PSG2: variants seen among roughly 807,000 people sequenced by gnomAD.
PSG2 encodes pregnancy specific beta-1-glycoprotein 2.
Under a neutral mutation model 36.2 loss-of-function variants are expected in PSG2, and 49 were observed. The ratio of observed to expected loss-of-function variants is 1.35; its 90% CI spans 1.08 to 1.72. PSG2 has a LOEUF of 1.72. PSG2 is among the 40% of genes most tolerant of loss of function. The probability of loss-of-function intolerance (pLI) is 0.00; values close to 1 mark genes in which losing one functional copy is unlikely to be tolerated. For synonymous variants in PSG2, 261 were observed against 155.6 expected (o/e 1.68, Z -5.04); for missense variants, 605 against 407.2 (o/e 1.49, Z -4.18).
At chr19:43,068,803 G>A (rs1967777515) in intron 4 of PSG2, among the ~76,000 whole-genome samples, 1 of 151,636 alleles carries the variant, frequency 6.6e-6, no homozygotes, top group South Asian at 2.1e-4. Context: ...TGTATGAGCA[G>A]GAATAAGACA....
At position 43,076,302 on chromosome 19, in the gene PSG2, A is replaced by G. The variant is rs1268801889; in HGVS notation, c.431-670T>C. ...AGCAGAGTCCAAGGAATGACCTACA[A>G]AGAGTGAAGGGGACAGGCAAGAGCT... is the stretch of plus-strand genomic sequence containing the variant. On this transcript the variant is annotated intron_variant, in intron 2 of 5. Transcript: ENST00000406487. 2.0e-5 allele frequency among the ~76,000 whole-genome samples: 3 copies of G among 151,644 alleles called. No individual in the cohort carries two copies. The East Asian group carries it at 5.8e-4, about 29-fold the overall frequency.
intron 2 of PSG2, among the ~76,000 whole-genome samples, chr19:43,079,257 C>G (rs1333766065): frequency 4.6e-5 from 7 of 151,418 alleles, no homozygotes; most frequent in African/African-American, 1.7e-4. Flanking sequence ...CAGGGACCAG[C>G]TGCCCCCAGT....
chr19:43,073,105 A>C (rs1323472616), intron 3 of PSG2, among the ~76,000 whole-genome samples: 3 of 151,650 alleles, frequency 2.0e-5, no homozygotes, highest in African/African-American at 4.9e-5. Context: ...TGAAACCCTG[A>C]AGATACTGAG....
At chr19:43,075,211 C>T in intron 3 of PSG2, 143 bp downstream of exon 3, 1 of 1,560,812 alleles carries the variant, frequency 6.4e-7, no homozygotes. Flanking sequence ...TCTGGTTTGC[C>T]TGGGGCAGAA....
intron 2 of PSG2, among the ~76,000 whole-genome samples, chr19:43,080,182 G>A (rs956207362): frequency 6.6e-6 from 1 of 151,742 alleles, no homozygotes; most frequent in Non-Finnish European, 1.5e-5. Context: ...TTCTGTTTCT[G>A]CTTCTGGGGA....
intron 2 of PSG2, among the ~76,000 whole-genome samples, chr19:43,079,688 T>C (rs1967944527): frequency 6.6e-6 from 1 of 151,618 alleles, no homozygotes; most frequent in African/African-American, 2.4e-5. Context: ...GCTCATGTTT[T>C]TTGCACTGAT....
chr19:43,067,594 G>T (rs1967757476), intron 4 of PSG2, among the ~76,000 whole-genome samples: 1 of 151,406 alleles, frequency 6.6e-6, no homozygotes, highest in Non-Finnish European at 1.5e-5. Context: ...GCAATGAAAA[G>T]ACAGAAGCTT....
At position 43,064,493 on chromosome 19, in the gene PSG2, A is replaced by G. The variant is rs1967713009; in HGVS notation, c.*149T>C. The G allele has an allele frequency of 3.5e-6, 2 of 564,644 alleles. No homozygotes were observed. Among genetic ancestry groups the G allele is most frequent in the South Asian group, 4.5e-5 (2 of 44,424 alleles). 35.0% of individuals were successfully genotyped at this position (564,644 alleles called of 1,614,324 possible). On this transcript the variant is annotated 3_prime_UTR_variant, in exon 6 of 6. Transcript: ENST00000406487. Reference sequence around the variant, plus strand: ...TCTTTGTCTTGAATTTCATGAAGGTATCAGCCTGTTCATTAAAATTTTGAA... The same window carrying G: ...TCTTTGTCTTGAATTTCATGAAGGTGTCAGCCTGTTCATTAAAATTTTGAA...
Position 43,071,194 on chromosome 19 carries a change from G to A in PSG2, c.964+506C>T, listed in dbSNP as rs148976016. 4.9e-3 allele frequency among the ~76,000 whole-genome samples: 750 copies of A among 151,704 alleles called. 26 individuals are homozygous for A. The highest frequency in any genetic ancestry group is 0.018 in the African/African-American group (726 of 41,146). Reference sequence around the variant, plus strand: ...TCCCACCCCAGGTGGAGTCAAACAGGGCCAGTCACCAGAGGAGCCCAGAGC... The same window carrying A: ...TCCCACCCCAGGTGGAGTCAAACAGAGCCAGTCACCAGAGGAGCCCAGAGC... On this transcript the variant is annotated intron_variant, in intron 4 of 5. Transcript: ENST00000406487.
At chr19:43,075,794 G>A (rs1159450191) in intron 2 of PSG2, among the ~76,000 whole-genome samples, 162 bp from the exon 3 acceptor site, 1 of 151,644 alleles carries the variant, frequency 6.6e-6, no homozygotes, top group Non-Finnish European at 1.5e-5. Context: ...GCAATCTGAG[G>A]GCTCAGTGAT....
intron 2 of PSG2, 34 bp downstream of exon 2, chr19:43,080,847 C>T (rs1967960614): frequency 1.2e-6 from 2 of 1,611,564 alleles, no homozygotes; most frequent in East Asian, 2.2e-5. Flanking sequence ...GACCCCTGTC[C>T]CCCAACACCC....
chr19:43,064,451 AC>A lies in PSG2; in HGVS notation c.*190del, dbSNP rs1967712400. The A allele has an allele frequency of 2.4e-6, 1 of 413,280 alleles. No homozygotes were observed. The highest frequency in any genetic ancestry group is 4.5e-5 in the Admixed American group (1 of 22,082). The allele number at this position is 413,280 out of a possible 1,614,324, so 25.6% of individuals were successfully genotyped here. A position where few individuals can be genotyped will look rare whatever the true frequency, so the allele number is the denominator to read the frequency against. On this transcript the variant is annotated 3_prime_UTR_variant, in exon 6 of 6. Coordinates refer to ENST00000406487, the MANE Select transcript of PSG2 (RefSeq NM_031246.4). ...ATCCTTTTGATTATTTAGTCCAATA[AC>A]ATTGAGTATTTTTCTTCTTTGTCTT... is the stretch of plus-strand genomic sequence containing the variant.
intron 2 of PSG2, among the ~76,000 whole-genome samples, chr19:43,080,622 T>C (rs1967957822): frequency 6.6e-6 from 1 of 151,646 alleles, no homozygotes; most frequent in Non-Finnish European, 1.5e-5. Context: ...TGGCTGAGAC[T>C]GATCTCCTCC....
In PSG2 at chr19:43,082,518, G is replaced by C. The variant is rs147111943; in HGVS notation, c.52C>G (p.Leu18Val). 119 of 1,611,888 alleles carry C rather than the reference G, an allele frequency of 7.4e-5. No individual in the cohort carries two copies. The highest frequency in any genetic ancestry group is 2.0e-4 in the East Asian group (9 of 44,830). ...GTTCTCTCCTCACCTGTGACCAGGAGCCCCTTCCATTTGATGTGCTCTGTG... is the reference window on the plus strand; with the variant it reads ...GTTCTCTCCTCACCTGTGACCAGGACCCCCTTCCATTTGATGTGCTCTGTG... ...PCTEHIKWKG[L>V]LVTASLLNFW... Residue 18 changes from leucine (L) to valine (V), a missense_variant, in exon 1 of 6, where the codon CTC becomes GTC. Leu to Val is a conservative substitution (Grantham distance 32, BLOSUM62 1). Coordinates refer to ENST00000406487, the MANE Select transcript of PSG2 (RefSeq NM_031246.4).
intron 2 of PSG2, among the ~76,000 whole-genome samples, chr19:43,078,463 T>C (rs150654417): frequency 2.0e-5 from 3 of 151,768 alleles, no homozygotes; most frequent in Non-Finnish European, 4.4e-5. Flanking sequence ...GATTGGTCTT[T>C]TGAGATGTTT....
chr19:43,076,362 G>A (rs1967895720), intron 2 of PSG2, among the ~76,000 whole-genome samples: 1 of 151,688 alleles, frequency 6.6e-6, no homozygotes, highest in Non-Finnish European at 1.5e-5. Flanking sequence ...GCCCTGTTCT[G>A]GGTCCACAAT....
In PSG2 at chr19:43,080,743, G is replaced by A. The variant is rs1967959255; in HGVS notation, c.430+138C>T. Reference sequence around the variant, plus strand: ...AATGTGTCTCCTCTGTGTGTGTCCTGCACTAAATGCCCAAACCCCAGCATG... The same window carrying A: ...AATGTGTCTCCTCTGTGTGTGTCCTACACTAAATGCCCAAACCCCAGCATG... On this transcript the variant is annotated intron_variant, in intron 2 of 5. Transcript: ENST00000406487. 23 of 1,538,974 alleles carry A rather than the reference G, an allele frequency of 1.5e-5. No individual in the cohort carries two copies. In the South Asian group the frequency reaches 2.2e-4, roughly 14 times the overall value.
chr19:43,077,437 A>G (rs1599709834), intron 2 of PSG2, among the ~76,000 whole-genome samples: 1 of 151,846 alleles, frequency 6.6e-6, no homozygotes, highest in East Asian at 1.9e-4. Flanking sequence ...GGAGGACCCC[A>G]AAACAGGTAT....
At chr19:43,079,317 G>A (rs1336402437) in intron 2 of PSG2, among the ~76,000 whole-genome samples, 1 of 151,420 alleles carries the variant, frequency 6.6e-6, no homozygotes, top group Non-Finnish European at 1.5e-5. Flanking sequence ...TGGCCAAAGA[G>A]CTTCAGAGTT....
Sources: gnomAD v4.1 joint callset for allele counts (sites outside exome capture counted in the v4.1 genomes callset) on GRCh38, gnomAD v4.1.1 for gene constraint, MANE v1.5 for transcripts, NCBI Gene and HGNC (gene_info 2026-07-23, HGNC 2026-07-21) for gene names.